The following MDGA2 variants were observed in gnomAD, a reference collection of about 807,000 sequenced individuals.
MDGA2 encodes MAM domain-containing glycosylphosphatidylinositol anchor protein 2.
Under a neutral mutation model 117.8 loss-of-function variants are expected in MDGA2, and 40 were observed. The ratio of observed to expected loss-of-function variants is 0.34; its 90% CI spans 0.26 to 0.44. MDGA2 has a LOEUF of 0.44. MDGA2 is among the 20% of genes least tolerant of loss of function. The pLI, the probability that MDGA2 is intolerant of heterozygous loss-of-function variation, is 1.00. For missense variants in MDGA2, 1,123 were observed against 1,250.6 expected, an observed-to-expected ratio of 0.90 and a Z score of 1.54; for synonymous variants, 452 against 439.0, an observed-to-expected ratio of 1.03 and a Z score of -0.37.
intron 1 of MDGA2, among the ~76,000 whole-genome samples, chr14:47,656,516 A>G (rs1305332487): frequency 6.6e-6 from 1 of 152,204 alleles, no homozygotes; most frequent in Non-Finnish European, 1.5e-5. Flanking sequence ...GTTGTATGGA[A>G]AGAGAAGTGG....
intron 1 of MDGA2, among the ~76,000 whole-genome samples, chr14:47,657,214 G>T (rs1594966801): frequency 6.6e-6 from 1 of 152,072 alleles, no homozygotes; most frequent in South Asian, 2.1e-4. Flanking sequence ...TAAATTATTG[G>T]CCCACAGAAT....
At chr14:47,447,310 A>G (rs1305647561) in intron 1 of MDGA2, among the ~76,000 whole-genome samples, 1 of 152,128 alleles carries the variant, frequency 6.6e-6, no homozygotes, top group Non-Finnish European at 1.5e-5. Context: ...GCCTATCCCA[A>G]TGCCTCTCTC....
intron 4 of MDGA2, among the ~76,000 whole-genome samples, chr14:47,143,400 C>G (rs1882805721): frequency 1.3e-5 from 2 of 151,980 alleles, no homozygotes. Context: ...ATCAAAAAAC[C>G]TTTATAATAA....
At chr14:47,158,216 T>C (rs1211085952) in intron 3 of MDGA2, among the ~76,000 whole-genome samples, 1 of 152,080 alleles carries the variant, frequency 6.6e-6, no homozygotes, top group Non-Finnish European at 1.5e-5. Flanking sequence ...GCTGTAGAGG[T>C]TTGTGGTCTA....
intron 8 of MDGA2, among the ~76,000 whole-genome samples, chr14:46,963,117 G>A (rs1885876107): frequency 6.6e-6 from 1 of 152,186 alleles, no homozygotes; most frequent in Admixed American, 6.5e-5. Context: ...TTTGGGGTAT[G>A]TGAATTGATG....
intron 1 of MDGA2, among the ~76,000 whole-genome samples, chr14:47,570,227 T>C (rs1895993697): frequency 6.6e-6 from 1 of 152,130 alleles, no homozygotes; most frequent in East Asian, 1.9e-4. Flanking sequence ...AAAGAAATAA[T>C]AGACATAGGA....
intron 1 of MDGA2, among the ~76,000 whole-genome samples, chr14:47,415,650 C>T (rs188188644): frequency 6.6e-6 from 1 of 152,138 alleles, no homozygotes; most frequent in Admixed American, 6.5e-5. Context: ...TTTGTATAAA[C>T]CTTAACAGAA....
chr14:46,960,495 T>C (rs1885752225), intron 8 of MDGA2: 2 of 152,062 alleles, frequency 1.3e-5, no homozygotes, highest in African/African-American at 2.4e-5. Context: ...AAGTTCTTTA[T>C]AGGACACCAT....
At chr14:46,964,189 G>A (rs1252213754) in intron 8 of MDGA2, among the ~76,000 whole-genome samples, 1 of 152,216 alleles carries the variant, frequency 6.6e-6, no homozygotes, top group Non-Finnish European at 1.5e-5. Context: ...GGAGAGGGCA[G>A]AGTTTAGCTT....
At chr14:47,145,539 C>T (rs1407365101) in intron 3 of MDGA2, among the ~76,000 whole-genome samples, 1 of 152,166 alleles carries the variant, frequency 6.6e-6, no homozygotes, top group Non-Finnish European at 1.5e-5. Flanking sequence ...CTAGTATAAA[C>T]TTAGTATATA....
chr14:47,040,886 G>A (rs1469474928), intron 7 of MDGA2, among the ~76,000 whole-genome samples: 4 of 152,170 alleles, frequency 2.6e-5, no homozygotes, highest in African/African-American at 9.7e-5. Flanking sequence ...AAAGTCTAGT[G>A]TCTTGCTTTC....
chr14:47,485,599 T>C (rs1019165107), intron 1 of MDGA2, among the ~76,000 whole-genome samples: 1 of 152,098 alleles, frequency 6.6e-6, no homozygotes, highest in African/African-American at 2.4e-5. Flanking sequence ...ATGTCACAGG[T>C]CTTCACAGCA....
At chr14:47,463,941 T>A (rs918647378) in intron 1 of MDGA2, among the ~76,000 whole-genome samples, 9 of 152,270 alleles carry the variant, frequency 5.9e-5, no homozygotes, top group African/African-American at 2.2e-4. Context: ...CATCACAGTA[T>A]AATTAATGGC....
intron 1 of MDGA2, among the ~76,000 whole-genome samples, chr14:47,635,868 A>G (rs1174446267): frequency 6.6e-6 from 1 of 152,216 alleles, no homozygotes; most frequent in Non-Finnish European, 1.5e-5. Flanking sequence ...ATATCGAAGA[A>G]TAAGGTGGAA....
chr14:47,444,149 T>A, intron 1 of MDGA2: 1 of 219,550 alleles, frequency 4.6e-6, no homozygotes, highest in South Asian at 7.8e-5. Context: ...TGCACTTTCA[T>A]CTTGCTCCTT....
intron 7 of MDGA2, among the ~76,000 whole-genome samples, chr14:47,060,698 C>T (rs904080041): frequency 5.9e-5 from 9 of 151,990 alleles, no homozygotes; most frequent in African/African-American, 1.2e-4. Flanking sequence ...AATATATTTT[C>T]GTACTTAACT....
Position 47,674,984 on chromosome 14 carries a change from G to A in MDGA2, c.-188C>T, listed in dbSNP as rs1289456947. On this transcript the variant is annotated 5_prime_UTR_variant, in exon 1 of 17. Coordinates refer to ENST00000399232, the MANE Select transcript of MDGA2 (RefSeq NM_001113498.3). ...TTCAGGGAAGCGGGCTCGAGTCTCC[G>A]CAGCTGCGGCGGCGGCGGCGGCGCG... 1 of 370,118 alleles carries A rather than the reference G, an allele frequency of 2.7e-6. No homozygotes were observed. The highest frequency in any genetic ancestry group is 4.8e-6 in the Non-Finnish European group (1 of 209,090). 22.9% of individuals were successfully genotyped at this position (370,118 alleles called of 1,614,324 possible).
chr14:47,421,765 T>C (rs1322945119), intron 1 of MDGA2, among the ~76,000 whole-genome samples: 2 of 152,126 alleles, frequency 1.3e-5, no homozygotes, highest in East Asian at 1.9e-4. Flanking sequence ...ATAATAGTAA[T>C]GGAATTAGAG....
chr14:47,299,718 AT>A (rs1566727588), intron 2 of MDGA2, among the ~76,000 whole-genome samples: 1 of 152,010 alleles, frequency 6.6e-6, no homozygotes, highest in African/African-American at 2.4e-5. Context: ...CCTTGTTTCA[AT>A]TTTTAACAAT....
Sources: gnomAD v4.1 joint callset for allele counts (sites outside exome capture counted in the v4.1 genomes callset) on GRCh38, gnomAD v4.1.1 for gene constraint, MANE v1.5 for transcripts, NCBI Gene and HGNC (gene_info 2026-07-23, HGNC 2026-07-21) for gene names.